The following ZNF20 variants were observed in gnomAD, a reference collection of about 807,000 sequenced individuals.
ZNF20 encodes zinc finger protein 20.
Under a neutral mutation model 11.0 loss-of-function variants are expected in ZNF20, and 9 were observed. That is an observed-to-expected ratio of 0.82 (90% confidence interval 0.49 to 1.43). The LOEUF (loss-of-function observed/expected upper bound fraction) is 1.43, where lower values mean the gene tolerates loss of function less well. Among genes scored for constraint, ZNF20 ranks in the 40% most tolerant of loss-of-function variants. The pLI is 0.00. For synonymous variants in ZNF20, 182 were observed against 213.0 expected, an observed-to-expected ratio of 0.85 and a Z score of 1.27; for missense variants, 528 against 640.8, an observed-to-expected ratio of 0.82 and a Z score of 1.90.
At position 12,133,354 on chromosome 19, in the gene ZNF20, T is replaced by G. The variant is rs774744338; in HGVS notation, c.832A>C (p.Thr278Pro). 1.0e-4 allele frequency: 165 copies of G among 1,614,256 alleles called. No individual in the cohort carries two copies. In the East Asian group the frequency reaches 3.6e-3, roughly 35 times the overall value. ...SEIRRHKRSH[T>P]GEKPYECKQC... ...TTACACTCATAGGGTTTTTCTCCAG[T>G]GTGAGACCTTTTATGTCTACGAATT... The change falls in exon 4 of 4, where the codon ACT becomes CCT. Residue 278 changes from threonine to proline, a missense_variant. Coordinates refer to ENST00000334213, the MANE Select transcript of ZNF20 (RefSeq NM_021143.4).
Position 12,135,438 on chromosome 19 carries a change from C to A in ZNF20, c.200+62G>T, listed in dbSNP as rs969855770. ...TACAGGCGTGAGCCACTGTACCCGG[C>A]CTATTTTCTCACATTTTAAGATTTT... On this transcript the variant is annotated intron_variant, in intron 3 of 3. Transcript: ENST00000334213. 9.0e-6 allele frequency: 14 copies of A among 1,557,388 alleles called. No individual in the cohort carries two copies. The African/African-American group carries it at 1.6e-4, about 18-fold the overall frequency.
At position 12,140,287 on chromosome 19, in the gene ZNF20, G is replaced by A; in HGVS notation, c.-105C>T. On this transcript the variant is annotated 5_prime_UTR_variant, in exon 1 of 4. Transcript: ENST00000334213. ...CAGAAGTTGTGGCAGAGGGACCCGGGGCCTCTCGGAGTAGGAAATCTGGTA... is the reference window on the plus strand; with the variant it reads ...CAGAAGTTGTGGCAGAGGGACCCGGAGCCTCTCGGAGTAGGAAATCTGGTA... 7 of 1,460,752 alleles carry A rather than the reference G, an allele frequency of 4.8e-6. No individual in the cohort carries two copies. Among genetic ancestry groups the A allele is most frequent in the Non-Finnish European group, 6.6e-6 (7 of 1,063,320 alleles). 90.5% of individuals were successfully genotyped at this position (1,460,752 alleles called of 1,614,324 possible). A position where few individuals can be genotyped will look rare whatever the true frequency, so the allele number is the denominator to read the frequency against.
rs538981794 is a variant in ZNF20, at chr19:12,135,750, G to A, written c.139+19C>T. 1.9e-6 allele frequency: 3 copies of A among 1,612,672 alleles called. No homozygotes were observed. The African/African-American group carries it at 4.0e-5, about 22-fold the overall frequency. ...CATTTGTTCTCTAATTCACTGGGAA[G>A]TAATATTGTCATTCTTACCTACAGA... On this transcript the variant is annotated intron_variant, in intron 2 of 3. Transcript: ENST00000334213.
At chr19:12,134,334 T>A (rs544198695) in intron 3 of ZNF20, among the ~76,000 whole-genome samples, 1 of 147,782 alleles carries the variant, frequency 6.8e-6, no homozygotes, top group Admixed American at 6.8e-5. Flanking sequence ...CAAAAAAAAA[T>A]AAAAAAATAA....
At position 12,132,780 on chromosome 19, in the gene ZNF20, T is replaced by C. The variant is rs368195425; in HGVS notation, c.1406A>G (p.His469Arg). The C allele has an allele frequency of 6.2e-7, 1 of 1,613,974 alleles. No homozygotes were observed. The highest frequency in any genetic ancestry group is 8.5e-7 in the Non-Finnish European group (1 of 1,179,934). Residue 469 changes from histidine to arginine, a missense_variant, in exon 4 of 4, where the codon CAT (histidine) becomes CGT (arginine). By Grantham distance (29) the His-to-Arg change is conservative. Transcript: ENST00000334213. The stretch of plus-strand genomic sequence containing the variant: ...TTTCTCTCCAGTGTGAGTCCTTTCA[T>C]GATATCGAATGGAACTGGAACAAGT... ...AFTCSSSIRY[H>R]ERTHTGEKPY...
In ZNF20 at chr19:12,132,414, A is replaced by G. The variant is rs371198487; in HGVS notation, c.*173T>C. On this transcript the variant is annotated 3_prime_UTR_variant, in exon 4 of 4. Coordinates refer to ENST00000334213, the MANE Select transcript of ZNF20 (RefSeq NM_021143.4). ...CTCATGCAAGATTGGCTATAGGTGA[A>G]TTGTATTACGAAACCATCCAAGTTC... The G allele has an allele frequency of 1.4e-5, 9 of 654,608 alleles. No individual in the cohort carries two copies. The highest frequency in any genetic ancestry group is 7.3e-5 in the African/African-American group (4 of 54,886). The allele number at this position is 654,608 out of a possible 1,614,324, so 40.5% of individuals were successfully genotyped here.
chr19:12,133,909 T>G lies in ZNF20; in HGVS notation c.277A>C (p.Met93Leu), dbSNP rs200667667. Reference protein sequence around the residue: ...GESFNQIADDMLNRKTLPGIT... With the variant: ...GESFNQIADDLLNRKTLPGIT... ...CCAGGAAGAGTTTTCCTGTTCAGCA[T>G]GTCATCTGCAATCTGGTTGAAGCTT... The change falls in exon 4 of 4, where the codon ATG becomes CTG. Residue 93 changes from methionine to leucine, a missense_variant. Coordinates refer to ENST00000334213, the MANE Select transcript of ZNF20 (RefSeq NM_021143.4). 1 of 1,614,184 alleles carries G rather than the reference T, an allele frequency of 6.2e-7. No homozygotes were observed. The highest frequency in any genetic ancestry group is 1.7e-5 in the Admixed American group (1 of 60,022).
At position 12,133,684 on chromosome 19, in the gene ZNF20, C is replaced by T; in HGVS notation, c.502G>A (p.Glu168Lys). The change falls in exon 4 of 4, where the codon GAG becomes AAG. Residue 168 changes from glutamate to lysine, a missense_variant. Physicochemically the swap from Glu to Lys is moderately conservative, Grantham distance 56. Coordinates refer to ENST00000334213, the MANE Select transcript of ZNF20 (RefSeq NM_021143.4). ...FQSHDKACTK[E>K]KPYDGKECTE... is the part of the protein sequence containing the mutation. Reference sequence around the variant, plus strand: ...CATTCTTTACCATCATAGGGTTTCTCTTTAGTGCAAGCTTTATCATGTGAT... The same window carrying T: ...CATTCTTTACCATCATAGGGTTTCTTTTTAGTGCAAGCTTTATCATGTGAT... 6.2e-7 allele frequency: 1 copy of T among 1,614,204 alleles called. No homozygotes were observed.
At position 12,135,514 on chromosome 19, in the gene ZNF20, G is replaced by A; in HGVS notation, c.186C>T (p.Pro62=). 6.2e-7 allele frequency: 1 copy of A among 1,613,432 alleles called. No homozygotes were observed. Among genetic ancestry groups the A allele is most frequent in the Non-Finnish European group, 8.5e-7 (1 of 1,179,780 alleles). ...GAGAAAATTACCTTAGATTTCTCCT[G>A]GGATTTTTGTACTCATCTTCAATGT... ...VQNIEDEYKN[P]RRNLSLMREK... The change falls in exon 3 of 4, where the codon CCC becomes CCT. Residue 62 remains proline, a synonymous_variant. Coordinates refer to ENST00000334213, the MANE Select transcript of ZNF20 (RefSeq NM_021143.4).
chr19:12,132,979 CT>C lies in ZNF20; in HGVS notation c.1206del (p.Val403TyrfsTer135). 4 of 1,614,100 alleles carry C rather than the reference CT, an allele frequency of 2.5e-6. No individual in the cohort carries two copies. The highest frequency in any genetic ancestry group is 3.4e-6 in the Non-Finnish European group (4 of 1,179,990). ...EKPHECKECGKVFKYFSSLRI... is the reference protein window; with the variant it reads ...EKPHECKECGXVFKYFSSLRI... ...CGCAAGGAAGAAAAATACTTGAATA[CT>C]TTTCCACATTCCTTACATTCATGGG... On this transcript the variant is annotated frameshift_variant, in exon 4 of 4. Coordinates refer to ENST00000334213, the MANE Select transcript of ZNF20 (RefSeq NM_021143.4). LOFTEE classifies it low-confidence loss of function (END_TRUNC).
In ZNF20 at chr19:12,132,765, G is replaced by C. The variant is rs751006277; in HGVS notation, c.1421C>G (p.Thr474Ser). 30 of 1,613,942 alleles carry C rather than the reference G, an allele frequency of 1.9e-5. No individual in the cohort carries two copies. The East Asian group carries it at 6.7e-4, about 36-fold the overall frequency. Residue 474 changes from threonine (T) to serine (S), a missense_variant, in exon 4 of 4, where the codon ACT becomes AGT. Physicochemically the swap from Thr to Ser is moderately conservative, Grantham distance 58. Coordinates refer to ENST00000334213, the MANE Select transcript of ZNF20 (RefSeq NM_021143.4). ...SSIRYHERTH[T>S]GEKPYECKHC... The stretch of plus-strand genomic sequence containing the variant: ...CTTACATTCATAGGGTTTCTCTCCA[G>C]TGTGAGTCCTTTCATGATATCGAAT...
rs751006277 is a variant in ZNF20, at chr19:12,132,765, G to T, written c.1421C>A (p.Thr474Asn). ...SSIRYHERTHTGEKPYECKHC... is the reference protein window; with the variant it reads ...SSIRYHERTHNGEKPYECKHC... The stretch of plus-strand genomic sequence containing the variant: ...CTTACATTCATAGGGTTTCTCTCCA[G>T]TGTGAGTCCTTTCATGATATCGAAT... The change falls in exon 4 of 4, where the codon ACT becomes AAT. Residue 474 changes from threonine to asparagine, a missense_variant. Transcript: ENST00000334213. 1 of 1,613,942 alleles carries T rather than the reference G, an allele frequency of 6.2e-7. No homozygotes were observed. The highest frequency in any genetic ancestry group is 8.5e-7 in the Non-Finnish European group (1 of 1,180,020).
In ZNF20 at chr19:12,133,050, G is replaced by T. The variant is rs1303231223; in HGVS notation, c.1136C>A (p.Ala379Asp). Reference sequence around the variant, plus strand: ...CCTTTCATGAATTTGAAGTTGTGAAGCACATCTAAAGCCTTTCCCACACTG... The same window carrying T: ...CCTTTCATGAATTTGAAGTTGTGAATCACATCTAAAGCCTTTCCCACACTG... Reference protein sequence around the residue: ...CKQCGKGFRCASQLQIHERTH... With the variant: ...CKQCGKGFRCDSQLQIHERTH... Residue 379 changes from alanine (A) to aspartate (D), a missense_variant, in exon 4 of 4, where the codon GCT becomes GAT. Transcript: ENST00000334213. 2.5e-6 allele frequency: 4 copies of T among 1,613,946 alleles called. No individual in the cohort carries two copies. The highest frequency in any genetic ancestry group is 3.4e-6 in the Non-Finnish European group (4 of 1,179,928).
chr19:12,132,846 C>A lies in ZNF20; in HGVS notation c.1340G>T (p.Gly447Val). ...TACCTTACACTCATATGGCTTATCT[C>A]CAGTGTGTGTCCTTTCATGTATATG... ...SLHIHERTHT[G>V]DKPYECKVCG... is the part of the protein sequence containing the mutation. Residue 447 changes from glycine to valine, a missense_variant, in exon 4 of 4, where the codon GGA becomes GTA. By Grantham distance (109) the Gly-to-Val change is moderately radical. Coordinates refer to ENST00000334213, the MANE Select transcript of ZNF20 (RefSeq NM_021143.4). The A allele has an allele frequency of 6.2e-7, 1 of 1,614,020 alleles. No homozygotes were observed. The highest frequency in any genetic ancestry group is 8.5e-7 in the Non-Finnish European group (1 of 1,180,010).
At chr19:12,136,732 A>G in intron 1 of ZNF20, 1 of 269,442 alleles carries the variant, frequency 3.7e-6, no homozygotes, top group Non-Finnish European at 7.3e-6. Flanking sequence ...ATACTAATCA[A>G]GAGAAAATGG....
Position 12,132,870 on chromosome 19 carries a change from T to G in ZNF20, c.1316A>C (p.His439Pro). Residue 439 changes from histidine (H) to proline (P), a missense_variant, in exon 4 of 4, where the codon CAT becomes CCT. Coordinates refer to ENST00000334213, the MANE Select transcript of ZNF20 (RefSeq NM_021143.4). ...TCCAGTGTGTGTCCTTTCATGTATATGCAAGGAAGAGAAATACCTGAATGC... is the reference window on the plus strand; with the variant it reads ...TCCAGTGTGTGTCCTTTCATGTATAGGCAAGGAAGAGAAATACCTGAATGC... ...GKAFRYFSSLHIHERTHTGDK... is the reference protein window; with the variant it reads ...GKAFRYFSSLPIHERTHTGDK... 6.2e-7 allele frequency: 1 copy of G among 1,614,160 alleles called. No homozygotes were observed.
chr19:12,135,499 C>T lies in ZNF20; in HGVS notation c.200+1G>A. On this transcript the variant is annotated splice_donor_variant, in intron 3 of 3. Transcript: ENST00000334213. LOFTEE classifies it high-confidence loss of function. ...TGCCTTGTCTTGCGAGAGAAAATTA[C>T]CTTAGATTTCTCCTGGGATTTTTGT... 1 of 1,613,450 alleles carries T rather than the reference C, an allele frequency of 6.2e-7. No individual in the cohort carries two copies. Among genetic ancestry groups the T allele is most frequent in the South Asian group, 1.1e-5 (1 of 90,928 alleles).
At chr19:12,134,414 G>A (rs1012276145) in intron 3 of ZNF20, among the ~76,000 whole-genome samples, 2 of 152,062 alleles carry the variant, frequency 1.3e-5, no homozygotes, top group East Asian at 1.9e-4. Flanking sequence ...AGGTTGAGGC[G>A]GGCAGATGGC....
In ZNF20 at chr19:12,133,124, A is replaced by C. The variant is rs770707135; in HGVS notation, c.1062T>G (p.Leu354=). 1 of 1,612,650 alleles carries C rather than the reference A, an allele frequency of 6.2e-7. No individual in the cohort carries two copies. The highest frequency in any genetic ancestry group is 8.5e-7 in the Non-Finnish European group (1 of 1,179,692). Residue 354 remains leucine (L), a synonymous_variant, in exon 4 of 4, where the codon CTT becomes CTG. Coordinates refer to ENST00000334213, the MANE Select transcript of ZNF20 (RefSeq NM_021143.4). Reference sequence around the variant, plus strand: ...CAGTGTGTGTCTTTTCATGCCTTTGAAGGTCCGAGGTACATCTGAAGGCTT... The same window carrying C: ...CAGTGTGTGTCTTTTCATGCCTTTGCAGGTCCGAGGTACATCTGAAGGCTT... The part of the protein sequence containing the change: ...CGKAFRCTSD[L]QRHEKTHTED...
Sources: gnomAD v4.1 joint callset for allele counts (sites outside exome capture counted in the v4.1 genomes callset) on GRCh38, gnomAD v4.1.1 for gene constraint, MANE v1.5 for transcripts, NCBI Gene and HGNC (gene_info 2026-07-23, HGNC 2026-07-21) for gene names.